CDH18: variants seen among roughly 807,000 people sequenced by gnomAD.
CDH18 encodes the protein cadherin 18, also known as cadherin-18.
Under a neutral mutation model 67.9 loss-of-function variants are expected in CDH18, and 31 were observed. The ratio of observed to expected loss-of-function variants is 0.46; its 90% confidence interval spans 0.34 to 0.62. The LOEUF (loss-of-function observed/expected upper bound fraction) is 0.62. Ranked by LOEUF, CDH18 falls within the 20% of genes least tolerant of loss-of-function variation. The probability of loss-of-function intolerance (pLI) is 0.01; values close to 1 mark genes in which losing one functional copy is unlikely to be tolerated. For missense variants in CDH18, 890 were observed against 975.5 expected (o/e 0.91, Z 1.17); for synonymous variants, 362 against 347.2 (o/e 1.04, Z -0.48).
intron 2 of CDH18, among the ~76,000 whole-genome samples, chr5:20,198,714 G>A (rs1739194353): frequency 6.6e-6 from 1 of 152,138 alleles, no homozygotes; most frequent in Admixed American, 6.5e-5. Flanking sequence ...AGAGGCCTTT[G>A]GAGCACCCCC....
chr5:20,289,821 T>A (rs1401252193), intron 1 of CDH18, among the ~76,000 whole-genome samples: 4 of 151,874 alleles, frequency 2.6e-5, no homozygotes. Context: ...GTCAATAGGG[T>A]CACCAGAGGC....
chr5:19,685,385 T>A (rs889274270), intron 5 of CDH18, among the ~76,000 whole-genome samples: 1 of 152,172 alleles, frequency 6.6e-6, no homozygotes, highest in Non-Finnish European at 1.5e-5. Flanking sequence ...CTGGGACACA[T>A]TGGTTCCAAA....
intron 2 of CDH18, among the ~76,000 whole-genome samples, chr5:20,082,927 C>G (rs1169742706): frequency 6.6e-6 from 1 of 152,164 alleles, no homozygotes; most frequent in Non-Finnish European, 1.5e-5. Flanking sequence ...TGATTTTGGA[C>G]TTGTACCCTT....
chr5:19,753,305 G>A (rs1437297329), intron 3 of CDH18, among the ~76,000 whole-genome samples: 1 of 151,988 alleles, frequency 6.6e-6, no homozygotes, highest in African/African-American at 2.4e-5. Context: ...GAAGTGAAGG[G>A]AGAAATAGTC....
chr5:20,523,055 C>T (rs1344549382), intron 1 of CDH18, among the ~76,000 whole-genome samples: 1 of 152,160 alleles, frequency 6.6e-6, no homozygotes, highest in Non-Finnish European at 1.5e-5. Context: ...TGAAATTCCT[C>T]ATTTTAATGT....
At chr5:19,730,821 A>G (rs1193519083) in intron 4 of CDH18, among the ~76,000 whole-genome samples, 3 of 151,736 alleles carry the variant, frequency 2.0e-5, no homozygotes, top group African/African-American at 7.3e-5. Context: ...CATTTGTAGT[A>G]GCTAAGTAGA....
chr5:19,959,005 C>G (rs1198463761), intron 2 of CDH18, among the ~76,000 whole-genome samples: 1 of 152,010 alleles, frequency 6.6e-6, no homozygotes, highest in Non-Finnish European at 1.5e-5. Flanking sequence ...ATGTCTGTAC[C>G]TGGTCTTTCT....
chr5:19,883,716 C>A (rs147449042), intron 2 of CDH18, among the ~76,000 whole-genome samples: 3 of 151,950 alleles, frequency 2.0e-5, no homozygotes, highest in African/African-American at 7.2e-5. Context: ...AGGGGTTTGA[C>A]GTTCTGTTTT....
intron 2 of CDH18, among the ~76,000 whole-genome samples, chr5:20,174,654 C>T (rs1014223147): frequency 6.6e-6 from 1 of 152,034 alleles, no homozygotes; most frequent in Admixed American, 6.6e-5. Context: ...TATTTCTTAA[C>T]CTTGAAATAT....
chr5:20,410,496 G>A (rs186776598), intron 1 of CDH18, among the ~76,000 whole-genome samples: 46 of 151,548 alleles, frequency 3.0e-4, no homozygotes, highest in Admixed American at 2.2e-3. Context: ...TATAATAATG[G>A]CCATATCCTC....
intron 2 of CDH18, among the ~76,000 whole-genome samples, chr5:20,134,643 G>A (rs1749547730): frequency 6.6e-6 from 1 of 152,112 alleles, no homozygotes; most frequent in Non-Finnish European, 1.5e-5. Context: ...TAAGATTTGG[G>A]TGGGGACACA....
At chr5:19,612,659 AACATAC>A (rs1749180665) in intron 5 of CDH18, 58 bp from the exon 6 acceptor site, 3 of 1,228,460 alleles carry the variant, frequency 2.4e-6, no homozygotes, top group Admixed American at 3.7e-5. Flanking sequence ...AGTATCAACA[AACATAC>A]ACATACATAT....
At chr5:19,743,138 G>GTAT (rs892164840) in intron 4 of CDH18, among the ~76,000 whole-genome samples, 13 of 152,084 alleles carry the variant, frequency 8.5e-5, no homozygotes, top group African/African-American at 2.4e-4. Flanking sequence ...GGCTATCTTA[G>GTAT]TATCACAGAA....
At chr5:19,799,798 G>T (rs1228760529) in intron 3 of CDH18, among the ~76,000 whole-genome samples, 4 of 152,084 alleles carry the variant, frequency 2.6e-5, no homozygotes, top group Non-Finnish European at 4.4e-5. Flanking sequence ...TCTTTTATGT[G>T]CTTGATAGCC....
At chr5:20,573,277 C>T (rs1485673331) in intron 1 of CDH18, among the ~76,000 whole-genome samples, 1 of 151,792 alleles carries the variant, frequency 6.6e-6, no homozygotes, top group African/African-American at 2.4e-5. Context: ...AAAAACTTAG[C>T]ATTGATGTTA....
chr5:20,264,832 T>C (rs780879731), intron 1 of CDH18, among the ~76,000 whole-genome samples: 6 of 152,150 alleles, frequency 3.9e-5, no homozygotes, highest in Non-Finnish European at 8.8e-5. Flanking sequence ...TACATTTTTA[T>C]GCCCAGCAGG....
At chr5:19,952,670 A>C (rs77087033) in intron 2 of CDH18, among the ~76,000 whole-genome samples, 5,187 of 152,236 alleles carry the variant, frequency 0.034, 294 homozygotes, top group African/African-American at 0.12. Flanking sequence ...ATTTCATTGC[A>C]CTTTAAGCTG....
In CDH18 at chr5:19,489,615, G is replaced by C. The variant is rs1318275063; in HGVS notation, c.1631-6063C>G. ...GTTTCTTTTGTCCTTTTTCTTCTGA[G>C]CTGTTTTTCCACTCTCGTCACGAAA... On this transcript the variant is annotated intron_variant, in intron 11 of 12. Coordinates refer to ENST00000382275, the MANE Select transcript of CDH18 (RefSeq NM_004934.5). Among the ~76,000 whole-genome samples the C allele has an allele frequency of 2.6e-5, 4 of 152,038 alleles. No homozygotes were observed. In the East Asian group the frequency reaches 5.8e-4, roughly 22 times the overall value.
At chr5:19,844,902 T>C (rs1782751305) in intron 2 of CDH18, among the ~76,000 whole-genome samples, 1 of 152,198 alleles carries the variant, frequency 6.6e-6, no homozygotes, top group Admixed American at 6.5e-5. Context: ...ATTCAATGGC[T>C]ATCCAACACA....
Sources: allele counts gnomAD v4.1 joint callset (sites outside exome capture counted in the v4.1 genomes callset), GRCh38; gene constraint gnomAD v4.1.1; transcripts MANE v1.5; gene names NCBI Gene and HGNC (gene_info 2026-07-23, HGNC 2026-07-21).